Variants in ZFPM2 observed in about 807,000 individuals in gnomAD.
ZFPM2 encodes the protein zinc finger protein, FOG family member 2.
ZFPM2 carries 20 observed loss-of-function variants against 98.6 expected under a neutral mutation model. The ratio of observed to expected loss-of-function variants is 0.20; its 90% CI spans 0.14 to 0.29. The LOEUF (loss-of-function observed/expected upper bound fraction) is 0.29, where lower values mean the gene tolerates loss of function less well. Ranked by LOEUF, ZFPM2 falls within the 10% of genes least tolerant of loss-of-function variation. ZFPM2 has a pLI of 1.00. For synonymous variants in ZFPM2, 518 were observed against 502.7 expected (o/e 1.03, Z -0.41); for missense variants, 1,310 against 1,388.6 (o/e 0.94, Z 0.90).
chr8:105,418,318 C>CT (rs977662939), intron 1 of ZFPM2, among the ~76,000 whole-genome samples: 7 of 152,096 alleles, frequency 4.6e-5, no homozygotes, highest in African/African-American at 1.4e-4. Flanking sequence ...GAGTTGGTTA[C>CT]TTTGATTCTT....
chr8:105,690,197 T>C (rs1810844729), intron 5 of ZFPM2, among the ~76,000 whole-genome samples: 1 of 152,230 alleles, frequency 6.6e-6, no homozygotes, highest in Admixed American at 6.5e-5. Context: ...AATAAGGCAG[T>C]TATCTCTCTA....
intron 3 of ZFPM2, among the ~76,000 whole-genome samples, chr8:105,472,759 C>T (rs773034077): frequency 4.6e-5 from 7 of 151,948 alleles, no homozygotes; most frequent in South Asian, 2.1e-4. Flanking sequence ...CCACCCGCCT[C>T]GGCCTCTCAA....
At chr8:105,483,451 G>A (rs1476485999) in intron 3 of ZFPM2, among the ~76,000 whole-genome samples, 2 of 151,712 alleles carry the variant, frequency 1.3e-5, no homozygotes, top group South Asian at 2.1e-4. Flanking sequence ...TTAGCTGGGT[G>A]TGGTGGCAGG....
At chr8:105,589,244 G>T (rs1815792092) in intron 4 of ZFPM2, among the ~76,000 whole-genome samples, 1 of 152,112 alleles carries the variant, frequency 6.6e-6, no homozygotes, top group Non-Finnish European at 1.5e-5. Flanking sequence ...TCATGGTTTG[G>T]ATGACTGTCA....
intron 5 of ZFPM2, among the ~76,000 whole-genome samples, chr8:105,648,493 G>A (rs1817099410): frequency 6.6e-6 from 1 of 152,104 alleles, no homozygotes; most frequent in Non-Finnish European, 1.5e-5. Context: ...TTTTCTTCTA[G>A]GTTTTTTATG....
intron 1 of ZFPM2, among the ~76,000 whole-genome samples, chr8:105,326,896 T>C (rs559062209): frequency 6.6e-6 from 1 of 151,000 alleles, no homozygotes; most frequent in African/African-American, 2.4e-5. Flanking sequence ...ACAAAATATA[T>C]AAATTTAATA....
At chr8:105,521,204 G>A (rs1430250541) in intron 3 of ZFPM2, among the ~76,000 whole-genome samples, 1 of 151,424 alleles carries the variant, frequency 6.6e-6, no homozygotes, top group Non-Finnish European at 1.5e-5. Flanking sequence ...ATACACACAC[G>A]GTGATCCAGA....
chr8:105,471,983 G>A (rs1812913378), intron 3 of ZFPM2, among the ~76,000 whole-genome samples: 1 of 152,102 alleles, frequency 6.6e-6, no homozygotes, highest in African/African-American at 2.4e-5. Flanking sequence ...AATGTGGTCG[G>A]TGGATTACTT....
intron 4 of ZFPM2, among the ~76,000 whole-genome samples, chr8:105,564,717 T>C (rs1012918697): frequency 2.6e-5 from 4 of 152,158 alleles, no homozygotes; most frequent in Non-Finnish European, 5.9e-5. Flanking sequence ...TTGAGCATGA[T>C]AAAATTGTTG....
chr8:105,666,415 A>G (rs1022926613), intron 5 of ZFPM2, among the ~76,000 whole-genome samples: 3 of 152,190 alleles, frequency 2.0e-5, no homozygotes, highest in Non-Finnish European at 2.9e-5. Flanking sequence ...AATGCTCCCC[A>G]AAAGCACCAC....
At chr8:105,469,290 A>G (rs1358804331) in intron 3 of ZFPM2, among the ~76,000 whole-genome samples, 1 of 152,178 alleles carries the variant, frequency 6.6e-6, no homozygotes, top group African/African-American at 2.4e-5. Context: ...CTTGTGATTA[A>G]AAGAAGATGG....
At chr8:105,330,046 G>T (rs554753779) in intron 1 of ZFPM2, among the ~76,000 whole-genome samples, 1 of 151,758 alleles carries the variant, frequency 6.6e-6, no homozygotes, top group Admixed American at 6.6e-5. Context: ...TTCTTGGAAA[G>T]AAAGGAGGAA....
intron 5 of ZFPM2, among the ~76,000 whole-genome samples, chr8:105,734,016 A>G (rs1364427182): frequency 6.6e-6 from 1 of 151,890 alleles, no homozygotes. Context: ...GGAAGGAGCT[A>G]TGTTTTCATG....
At chr8:105,678,572 A>G (rs989193206) in intron 5 of ZFPM2, 1 of 152,208 alleles carries the variant, frequency 6.6e-6, no homozygotes, top group African/African-American at 2.4e-5. Flanking sequence ...AGGTTGAATC[A>G]TGCCCAAAAG....
At chr8:105,402,081 G>T (rs1395587842) in intron 1 of ZFPM2, among the ~76,000 whole-genome samples, 1 of 151,908 alleles carries the variant, frequency 6.6e-6, no homozygotes, top group East Asian at 1.9e-4. Flanking sequence ...ATTGCTGTTG[G>T]TATATTTTAA....
chr8:105,457,900 A>G (rs1812622946), intron 3 of ZFPM2, among the ~76,000 whole-genome samples: 1 of 152,206 alleles, frequency 6.6e-6, no homozygotes, highest in African/African-American at 2.4e-5. Context: ...AAGGGACTCC[A>G]GATTTAGACA....
chr8:105,404,492 A>C (rs1420203864), intron 1 of ZFPM2, among the ~76,000 whole-genome samples: 1 of 152,024 alleles, frequency 6.6e-6, no homozygotes, highest in African/African-American at 2.4e-5. Context: ...TTTAAATTTT[A>C]ACTCAGCACG....
At chr8:105,372,004 A>AATAATTATT (rs1265645481) in intron 1 of ZFPM2, among the ~76,000 whole-genome samples, 1 of 145,728 alleles carries the variant, frequency 6.9e-6, no homozygotes, top group Non-Finnish European at 1.5e-5. Context: ...AAAATAGTGA[A>AATAATTATT]ATTATTATTA....
Position 105,650,485 on chromosome 8 carries a change from T to C in ZFPM2, c.532+16128T>C, listed in dbSNP as rs577691967. On this transcript the variant is annotated intron_variant, in intron 5 of 7. Coordinates refer to ENST00000407775, the MANE Select transcript of ZFPM2 (RefSeq NM_012082.4). ...TGTGATATTAGGGTGTCAATTTTAG[T>C]TCTTTCCTGCTTTCTCTGATGGGCA... is the stretch of plus-strand genomic sequence containing the variant. Among the ~76,000 whole-genome samples, 27 of 152,258 alleles carry C rather than the reference T, an allele frequency of 1.8e-4. 1 individual carries two copies. In the South Asian group the frequency reaches 5.6e-3, roughly 32 times the overall value.
Sources: gnomAD v4.1 joint callset for allele counts (sites outside exome capture counted in the v4.1 genomes callset) on GRCh38, gnomAD v4.1.1 for gene constraint, MANE v1.5 for transcripts, NCBI Gene and HGNC (gene_info 2026-07-23, HGNC 2026-07-21) for gene names.